Variants in MYO18B observed in about 807,000 individuals in gnomAD.
The protein encoded by MYO18B is unconventional myosin-XVIIIb.
A neutral mutation model predicts 273.0 loss-of-function variants in MYO18B; 204 were observed. The ratio of observed to expected loss-of-function variants is 0.75; its 90% confidence interval spans 0.67 to 0.84. MYO18B has a LOEUF of 0.84. Ranked by LOEUF, MYO18B falls within the 40% of genes least tolerant of loss-of-function variation. MYO18B has a pLI of 0.00. For synonymous variants in MYO18B, 1,330 were observed against 1,305.7 expected (o/e 1.02, Z -0.40); for missense variants, 3,212 against 3,287.6 (o/e 0.98, Z 0.56).
At chr22:25,763,021 GC>G in intron 2 of MYO18B, 1 of 741,698 alleles carries the variant, frequency 1.3e-6, no homozygotes, top group East Asian at 2.7e-5. Context: ...ATAATTCCTG[GC>G]TGCCCCTGTG....
chr22:25,873,770 C>T (rs1216818974), intron 22 of MYO18B, among the ~76,000 whole-genome samples: 2 of 152,216 alleles, frequency 1.3e-5, no homozygotes, highest in African/African-American at 4.8e-5. Context: ...CACTGCTTCA[C>T]TCAGATTGCT....
chr22:25,901,996 T>C (rs1417840869), intron 29 of MYO18B, among the ~76,000 whole-genome samples: 2 of 151,818 alleles, frequency 1.3e-5, no homozygotes, highest in Non-Finnish European at 2.9e-5. Flanking sequence ...ATTTTAAATT[T>C]TTAAAGTTTA....
intron 39 of MYO18B, among the ~76,000 whole-genome samples, chr22:25,986,960 A>AGTT (rs2093208815): frequency 6.6e-6 from 1 of 152,180 alleles, no homozygotes; most frequent in Non-Finnish European, 1.5e-5. Flanking sequence ...AGGCTCTGTA[A>AGTT]CATTTTCTGC....
chr22:25,918,568 T>A (rs912738682), intron 33 of MYO18B, among the ~76,000 whole-genome samples: 2 of 152,188 alleles, frequency 1.3e-5, no homozygotes, highest in African/African-American at 4.8e-5. Flanking sequence ...ATGACTGGTC[T>A]GAGATTTTCT....
At chr22:25,916,128 TAAA>T (rs530527823) in intron 33 of MYO18B, among the ~76,000 whole-genome samples, 1 of 152,182 alleles carries the variant, frequency 6.6e-6, no homozygotes, top group Non-Finnish European at 1.5e-5. Context: ...TAGGTTGACA[TAAA>T]AAATATTCAT....
At chr22:26,062,885 AGAC>A in the MYO18B span, among the ~76,000 whole-genome samples, 1 of 152,142 alleles carries the variant, frequency 6.6e-6, no homozygotes, top group Non-Finnish European at 1.5e-5. Flanking sequence ...GAACGGGAGA[AGAC>A]AGATGGAGCA....
chr22:25,987,720 G>A (rs534627638), intron 39 of MYO18B, among the ~76,000 whole-genome samples: 1 of 152,022 alleles, frequency 6.6e-6, no homozygotes, highest in South Asian at 2.1e-4. Flanking sequence ...TCAGTGCTGC[G>A]CCTCATAGGT....
chr22:25,929,361 A>G (rs111700155), intron 34 of MYO18B, among the ~76,000 whole-genome samples: 14 of 152,274 alleles, frequency 9.2e-5, no homozygotes, highest in African/African-American at 3.4e-4. Context: ...CTGATTTCTA[A>G]TTAATTCTCA....
At chr22:25,932,611 C>T (rs956504169) in intron 34 of MYO18B, among the ~76,000 whole-genome samples, 4 of 151,276 alleles carry the variant, frequency 2.6e-5, no homozygotes, top group Admixed American at 6.6e-5. Flanking sequence ...GATTTCTCCA[C>T]GTTGGTCAGG....
intron 42 of MYO18B, among the ~76,000 whole-genome samples, chr22:26,011,564 A>G (rs1934924636): frequency 6.6e-6 from 1 of 152,254 alleles, no homozygotes; most frequent in Non-Finnish European, 1.5e-5. Flanking sequence ...AAGAGAAAGA[A>G]TGGTGGGGAG....
intron 12 of MYO18B, among the ~76,000 whole-genome samples, chr22:25,814,496 CT>C (rs2088917547): frequency 6.6e-6 from 1 of 151,788 alleles, no homozygotes; most frequent in South Asian, 2.1e-4. Flanking sequence ...CTTCAACAAT[CT>C]CATGGAGTAG....
intron 39 of MYO18B, among the ~76,000 whole-genome samples, chr22:25,961,305 A>G (rs916772532): frequency 2.0e-5 from 3 of 152,124 alleles, no homozygotes; most frequent in Non-Finnish European, 2.9e-5. Flanking sequence ...AACAAAGTTC[A>G]AACTGCTTCC....
At chr22:25,877,322 C>A (rs1322298900) in intron 24 of MYO18B, 3 of 152,128 alleles carry the variant, frequency 2.0e-5, no homozygotes, top group Non-Finnish European at 4.4e-5. Context: ...AAAAATTCAT[C>A]TTTAATTTAC....
chr22:25,830,124 C>T (rs921088858), intron 15 of MYO18B, among the ~76,000 whole-genome samples: 1 of 152,044 alleles, frequency 6.6e-6, no homozygotes, highest in Non-Finnish European at 1.5e-5. Context: ...AAGTTCCAGT[C>T]ATTTTTTTGG....
chr22:25,997,764 C>T (rs1933448217), intron 40 of MYO18B, among the ~76,000 whole-genome samples: 1 of 152,056 alleles, frequency 6.6e-6, no homozygotes, highest in African/African-American at 2.4e-5. Context: ...CCTGCCCAGG[C>T]CCCAGTCTAT....
chr22:25,791,058 G>A (rs1877178556), intron 11 of MYO18B, among the ~76,000 whole-genome samples: 1 of 152,210 alleles, frequency 6.6e-6, no homozygotes, highest in South Asian at 2.1e-4. Flanking sequence ...GCCAGGTATT[G>A]GCACACAGAA....
At chr22:25,899,795 C>CCA (rs1357582943) in intron 29 of MYO18B, 12 of 152,336 alleles carry the variant, frequency 7.9e-5, no homozygotes, top group Non-Finnish European at 1.8e-4. Flanking sequence ...CCTCTCTGGG[C>CCA]CAGAGAGTGA....
At position 25,889,940 on chromosome 22, in the gene MYO18B, A is replaced by G. The variant is rs531569299; in HGVS notation, c.4315-816A>G. 1.8e-4 allele frequency among the ~76,000 whole-genome samples: 28 copies of G among 152,310 alleles called. No individual in the cohort carries two copies. In the East Asian group the frequency reaches 5.2e-3, roughly 28 times the overall value. On this transcript the variant is annotated intron_variant, in intron 25 of 43. Coordinates refer to ENST00000335473, the MANE Select transcript of MYO18B (RefSeq NM_032608.7). The stretch of plus-strand genomic sequence containing the variant: ...CTAATATACAACCGTATGATTTCCA[A>G]TTTTGGCTTCTTTAAAACAGAGCAA...
intron 22 of MYO18B, among the ~76,000 whole-genome samples, chr22:25,870,578 C>T (rs1200376286): frequency 6.6e-6 from 1 of 152,186 alleles, no homozygotes; most frequent in African/African-American, 2.4e-5. Context: ...CATGACTGTA[C>T]ATGACATATT....
Sources: gnomAD v4.1 joint callset for allele counts (sites outside exome capture counted in the v4.1 genomes callset) on GRCh38, gnomAD v4.1.1 for gene constraint, MANE v1.5 for transcripts, NCBI Gene and HGNC (gene_info 2026-07-23, HGNC 2026-07-21) for gene names.